EGFR: variants seen among roughly 807,000 people sequenced by gnomAD.
EGFR encodes the protein avian erythroblastic leukemia viral (v-erb-b) oncogene homolog.
In EGFR, 58 loss-of-function variants were observed where a neutral mutation model predicts 143.0. That is an observed-to-expected ratio of 0.41 (90% CI 0.33 to 0.50). The LOEUF (loss-of-function observed/expected upper bound fraction) is 0.50, where lower values mean the gene tolerates loss of function less well. EGFR is among the 20% of genes least tolerant of loss of function. EGFR has a pLI of 0.39. For missense variants in EGFR, 1,307 were observed against 1,579.0 expected, an observed-to-expected ratio of 0.83 and a Z score of 2.92; for synonymous variants, 613 against 594.4, an observed-to-expected ratio of 1.03 and a Z score of -0.45.
chr7:55,022,883 T>C (rs1332982597), intron 1 of EGFR, among the ~76,000 whole-genome samples: 1 of 152,246 alleles, frequency 6.6e-6, no homozygotes, highest in Non-Finnish European at 1.5e-5. Flanking sequence ...AGCACTAACA[T>C]GTTCTGAAAT....
At chr7:55,079,255 G>A (rs1285036657) in intron 1 of EGFR, among the ~76,000 whole-genome samples, 1 of 152,192 alleles carries the variant, frequency 6.6e-6, no homozygotes, top group African/African-American at 2.4e-5. Flanking sequence ...TGGGCGGCCT[G>A]CAGAGCTGGA....
chr7:55,105,650 C>T lies in EGFR; in HGVS notation c.89-36636C>T, dbSNP rs28416308. Among the ~76,000 whole-genome samples, 343 of 152,294 alleles carry T rather than the reference C, an allele frequency of 2.3e-3. 1 individual carries two copies. The highest frequency in any genetic ancestry group is 8.0e-3 in the African/African-American group (334 of 41,568). ...TAGGGAGCTTTAGTGCAAATTGAGA[C>T]CACCTACACATCTGACTCTACAGGG... On this transcript the variant is annotated intron_variant, in intron 1 of 27. Coordinates refer to ENST00000275493, the MANE Select transcript of EGFR (RefSeq NM_005228.5).
intron 1 of EGFR, among the ~76,000 whole-genome samples, chr7:55,126,026 C>A (rs1793504211): frequency 6.6e-6 from 1 of 152,206 alleles, no homozygotes; most frequent in Admixed American, 6.5e-5. Flanking sequence ...TCCCTCTCCT[C>A]CTGCCCTGCC....
At chr7:55,101,892 T>A (rs1410855731) in intron 1 of EGFR, among the ~76,000 whole-genome samples, 1 of 152,176 alleles carries the variant, frequency 6.6e-6, no homozygotes, top group Non-Finnish European at 1.5e-5. Flanking sequence ...TTGACTTAAT[T>A]TCTTCCCATC....
At chr7:55,148,342 C>T (rs1228689902) in intron 4 of EGFR, among the ~76,000 whole-genome samples, 1 of 151,954 alleles carries the variant, frequency 6.6e-6, no homozygotes, top group Admixed American at 6.6e-5. Context: ...AGGCAGCCCA[C>T]AATGGCAGGT....
At chr7:55,047,472 G>A (rs1788242498) in intron 1 of EGFR, among the ~76,000 whole-genome samples, 1 of 152,202 alleles carries the variant, frequency 6.6e-6, no homozygotes, top group South Asian at 2.1e-4. Context: ...AACTGGGACT[G>A]GGCATGGTGG....
chr7:55,151,853 G>A (rs905595161), intron 5 of EGFR, among the ~76,000 whole-genome samples: 2 of 151,712 alleles, frequency 1.3e-5, no homozygotes, highest in Non-Finnish European at 2.9e-5. Flanking sequence ...CAGCCTGGGC[G>A]ACAGAGCGAG....
intron 1 of EGFR, among the ~76,000 whole-genome samples, chr7:55,061,612 A>ATGTGTGTGTGTGTGTGTG (rs1205967063): frequency 1.6e-5 from 2 of 126,262 alleles, no homozygotes; most frequent in Non-Finnish European, 3.3e-5. Flanking sequence ...GTCTCCAGGG[A>ATGTGTGTGTGTGTGTGTG]TGTGTGTGTG....
intron 11 of EGFR, 117 bp downstream of exon 11, chr7:55,157,870 T>C (rs543179496): frequency 9.9e-7 from 1 of 1,008,614 alleles, no homozygotes; most frequent in East Asian, 2.6e-5. Context: ...TCGCCGGCAT[T>C]CCCAAATGCT....
At chr7:55,021,799 T>G (rs999795899) in intron 1 of EGFR, among the ~76,000 whole-genome samples, 1 of 152,176 alleles carries the variant, frequency 6.6e-6, no homozygotes, top group African/African-American at 2.4e-5. Flanking sequence ...AATCCCCACA[T>G]TAAGCATAAG....
At chr7:55,144,360 T>C (rs897404204) in intron 3 of EGFR, among the ~76,000 whole-genome samples, 6 of 152,088 alleles carry the variant, frequency 3.9e-5, no homozygotes, top group African/African-American at 1.4e-4. Context: ...TAAATGGAAG[T>C]CAAGTAACTC....
At chr7:55,133,881 A>G (rs780173719) in intron 1 of EGFR, among the ~76,000 whole-genome samples, 1 of 152,202 alleles carries the variant, frequency 6.6e-6, no homozygotes, top group Non-Finnish European at 1.5e-5. Flanking sequence ...TTGGAGGGGA[A>G]GTGGTATTAT....
intron 1 of EGFR, among the ~76,000 whole-genome samples, chr7:55,074,130 G>A (rs1429391383): frequency 2.0e-5 from 3 of 152,174 alleles, no homozygotes; most frequent in East Asian, 1.9e-4. Context: ...CCCCTGCTGC[G>A]CTCTGGCTCA....
intron 1 of EGFR, among the ~76,000 whole-genome samples, chr7:55,118,358 T>C (rs1384301280): frequency 7.9e-5 from 12 of 152,144 alleles, no homozygotes; most frequent in Admixed American, 7.2e-4. Flanking sequence ...CCTATGTCCA[T>C]TGGAGTTTGA....
intron 2 of EGFR, 141 bp from the exon 3 acceptor site, chr7:55,143,164 G>T: frequency 1.3e-6 from 1 of 791,736 alleles, no homozygotes; most frequent in Non-Finnish European, 2.1e-6. Flanking sequence ...GACTGCAATC[G>T]TCTACCTATT....
chr7:55,171,615 C>T (rs2128951683), intron 16 of EGFR, among the ~76,000 whole-genome samples: 1 of 152,332 alleles, frequency 6.6e-6, no homozygotes, highest in South Asian at 2.1e-4. Context: ...TCGATGACAA[C>T]CTCCAGCATA....
intron 1 of EGFR, among the ~76,000 whole-genome samples, chr7:55,124,399 T>A (rs566398283): frequency 6.6e-6 from 1 of 152,348 alleles, no homozygotes. Flanking sequence ...TTAACTCAGT[T>A]CTTAAATTTT....
chr7:55,182,020 G>A (rs913146992), intron 20 of EGFR: 9 of 190,268 alleles, frequency 4.7e-5, no homozygotes, highest in East Asian at 1.3e-4. Flanking sequence ...GAGCCAGGGC[G>A]GGGCTGAGAG....
chr7:55,139,323 T>C (rs1486801311), intron 1 of EGFR, among the ~76,000 whole-genome samples: 2 of 152,248 alleles, frequency 1.3e-5, no homozygotes, highest in Non-Finnish European at 2.9e-5. Context: ...ACCTAATTTG[T>C]GACTGTAATT....
Sources: gnomAD v4.1 joint callset for allele counts (sites outside exome capture counted in the v4.1 genomes callset) on GRCh38, gnomAD v4.1.1 for gene constraint, MANE v1.5 for transcripts, NCBI Gene and HGNC (gene_info 2026-07-23, HGNC 2026-07-21) for gene names.